ELAVL4: variants seen among roughly 807,000 people sequenced by gnomAD.
ELAVL4 encodes the protein ELAV like RNA binding protein 4, also known as ELAV-like protein 4.
In ELAVL4, 1 loss-of-function variant was observed where a neutral mutation model predicts 35.6. The observed-to-expected ratio is 0.03, with a 90% confidence interval of 0.01 to 0.13. The LOEUF (loss-of-function observed/expected upper bound fraction) is 0.13, where lower values mean the gene tolerates loss of function less well. ELAVL4 is among the 10% of genes least tolerant of loss of function. The pLI, the probability that ELAVL4 is intolerant of heterozygous loss-of-function variation, is 1.00. For missense variants in ELAVL4, 267 were observed against 464.9 expected (o/e 0.57, Z 3.91); for synonymous variants, 156 against 171.0 (o/e 0.91, Z 0.69).
chr1:50,118,475 A>G lies in ELAVL4; in HGVS notation c.9+9277A>G, dbSNP rs888208195. Among the ~76,000 whole-genome samples the G allele has an allele frequency of 2.9e-5, 4 of 137,592 alleles. No individual in the cohort carries two copies. The South Asian group carries it at 9.3e-4, about 32-fold the overall frequency. 90.3% of individuals were successfully genotyped at this position (137,592 alleles called of 152,430 possible). On this transcript the variant is annotated intron_variant, in intron 1 of 6. Coordinates refer to ENST00000371824, the MANE Select transcript of ELAVL4 (RefSeq NM_001144774.3). ...TCAGCAGAATGCTGACCCTCAATTC[A>G]TTACCCTCCCATTTGAAGGAAAAAA... is the stretch of plus-strand genomic sequence containing the variant.
At chr1:50,070,097 G>A (rs576812085) in intron 1 of ELAVL4, among the ~76,000 whole-genome samples, 16 of 152,306 alleles carry the variant, frequency 1.1e-4, no homozygotes, top group Admixed American at 6.5e-4. Context: ...GATTTGCCAG[G>A]CAACAGGATT....
At chr1:50,094,378 G>T (rs1424594240) in intron 1 of ELAVL4, among the ~76,000 whole-genome samples, 1 of 152,150 alleles carries the variant, frequency 6.6e-6, no homozygotes, top group Non-Finnish European at 1.5e-5. Context: ...GGTGGATGTT[G>T]ATTGCTATTA....
intron 1 of ELAVL4, among the ~76,000 whole-genome samples, chr1:50,140,800 G>C (rs761272617): frequency 7.9e-5 from 12 of 152,304 alleles, no homozygotes; most frequent in South Asian, 2.1e-4. Context: ...TAACTGTGTA[G>C]TGTAGATGCA....
Position 50,177,071 on chromosome 1 carries a change from T to C in ELAVL4, c.251-18T>C. 1 of 1,598,776 alleles carries C rather than the reference T, an allele frequency of 6.3e-7. No individual in the cohort carries two copies. The highest frequency in any genetic ancestry group is 1.3e-5 in the African/African-American group (1 of 74,730). On this transcript the variant is annotated intron_variant, in intron 2 of 6. Transcript: ENST00000371824. ...GTCTCTCTCTCCCTTTCTCTCTCTC[T>C]TTTTAATATTTCCACAGGACAGAGT...
At chr1:50,142,290 C>G (rs2148678802) in intron 1 of ELAVL4, among the ~76,000 whole-genome samples, 1 of 152,314 alleles carries the variant, frequency 6.6e-6, no homozygotes, top group South Asian at 2.1e-4. Flanking sequence ...CCCTCTACCT[C>G]CCAGGTTCAA....
intron 3 of ELAVL4, among the ~76,000 whole-genome samples, chr1:50,182,110 T>C (rs1386780542): frequency 4.6e-5 from 7 of 152,398 alleles, no homozygotes; most frequent in Admixed American, 4.6e-4. Flanking sequence ...CCTGACCTTC[T>C]GTTGGGCTCC....
intron 1 of ELAVL4, among the ~76,000 whole-genome samples, chr1:50,119,074 AAGAAAGAAAGAAAGAAAG>A (rs1668561465): frequency 7.3e-6 from 1 of 137,188 alleles, no homozygotes; most frequent in African/African-American, 2.9e-5. Flanking sequence ...GAAAGAAAGA[AAGAAAGAAAGAAAGAAAG>A]AAAAAGAAAA....
chr1:50,063,788 C>A (rs1488422925), intron 1 of ELAVL4, among the ~76,000 whole-genome samples: 1 of 152,150 alleles, frequency 6.6e-6, no homozygotes, highest in Non-Finnish European at 1.5e-5. Context: ...CCTTCCTTTT[C>A]TCAGACTGTT....
At chr1:50,173,853 A>G (rs745482215) in intron 2 of ELAVL4, among the ~76,000 whole-genome samples, 15 of 152,196 alleles carry the variant, frequency 9.9e-5, no homozygotes, top group Non-Finnish European at 1.3e-4. Flanking sequence ...AAAAAGAAAG[A>G]GTAATAAAAA....
intron 1 of ELAVL4, among the ~76,000 whole-genome samples, chr1:50,089,970 C>G (rs1459076160): frequency 6.6e-6 from 1 of 152,086 alleles, no homozygotes; most frequent in Non-Finnish European, 1.5e-5. Flanking sequence ...GTTTAAGAGT[C>G]ATGTAAAAGC....
At chr1:50,121,274 A>G (rs1248527712) in intron 1 of ELAVL4, among the ~76,000 whole-genome samples, 2 of 152,040 alleles carry the variant, frequency 1.3e-5, no homozygotes, top group Non-Finnish European at 2.9e-5. Flanking sequence ...ATACAACTTC[A>G]TGGCTTAATG....
chr1:50,077,876 T>C (rs1664835015), intron 1 of ELAVL4, among the ~76,000 whole-genome samples: 1 of 152,116 alleles, frequency 6.6e-6, no homozygotes, highest in African/African-American at 2.4e-5. Context: ...CGTTAGAGAG[T>C]CCATGTCTAC....
At chr1:50,102,985 A>G (rs1666069587), upstream of ELAVL4, among the ~76,000 whole-genome samples, 1 of 152,308 alleles carries the variant, frequency 6.6e-6, no homozygotes, top group African/African-American at 2.4e-5. Flanking sequence ...CTTTCCCAGA[A>G]AGACATCCTA....
intron 3 of ELAVL4, 99 bp downstream of exon 3, chr1:50,177,291 T>A: frequency 1.1e-6 from 1 of 885,806 alleles, no homozygotes; most frequent in Non-Finnish European, 1.8e-6. Context: ...GGAAGCAGTG[T>A]TCTTGATTTA....
At chr1:50,107,060 C>T (rs575727236), upstream of ELAVL4, among the ~76,000 whole-genome samples, 1 of 152,184 alleles carries the variant, frequency 6.6e-6, no homozygotes, top group East Asian at 1.9e-4. Flanking sequence ...GTTTACTTTT[C>T]ACAATATTTT....
chr1:50,144,918 T>C lies in ELAVL4; in HGVS notation c.10-39T>C, dbSNP rs775209774. Reference sequence around the variant, plus strand: ...TTTAAAAGAGACTTTGTGTCTGAGATTTCAAAAGGCTTTTTCAATTGTTTT... The same window carrying C: ...TTTAAAAGAGACTTTGTGTCTGAGACTTCAAAAGGCTTTTTCAATTGTTTT... On this transcript the variant is annotated intron_variant, in intron 1 of 6. Transcript: ENST00000371824. The C allele has an allele frequency of 2.5e-6, 4 of 1,591,610 alleles. No homozygotes were observed. The South Asian group carries it at 3.5e-5, about 14-fold the overall frequency.
intron 1 of ELAVL4, among the ~76,000 whole-genome samples, chr1:50,052,817 T>C (rs2148469198): frequency 6.6e-6 from 1 of 152,322 alleles, no homozygotes; most frequent in Non-Finnish European, 1.5e-5. Flanking sequence ...CATCAGAGTA[T>C]GATATTTTAT....
At chr1:50,063,021 A>AT (rs1440167254) in intron 1 of ELAVL4, among the ~76,000 whole-genome samples, 4 of 152,294 alleles carry the variant, frequency 2.6e-5, no homozygotes, top group Admixed American at 2.6e-4. Context: ...AGAAGGTTTC[A>AT]TTCTGGTAGG....
chr1:50,112,049 A>G (rs1305478215), intron 1 of ELAVL4, among the ~76,000 whole-genome samples: 2 of 152,092 alleles, frequency 1.3e-5, no homozygotes, highest in Non-Finnish European at 2.9e-5. Flanking sequence ...AGTACACTTA[A>G]TTTTTGCTCT....
Sources: allele counts gnomAD v4.1 joint callset (sites outside exome capture counted in the v4.1 genomes callset), GRCh38; gene constraint gnomAD v4.1.1; transcripts MANE v1.5; gene names NCBI Gene and HGNC (gene_info 2026-07-23, HGNC 2026-07-21).